The following CLTC variants were observed in gnomAD, a reference collection of about 807,000 sequenced individuals.
CLTC encodes clathrin heavy chain.
Under a neutral mutation model 195.8 loss-of-function variants are expected in CLTC, and 16 were observed. The ratio of observed to expected loss-of-function variants is 0.08; its 90% CI spans 0.06 to 0.12. The LOEUF is 0.12. CLTC is among the 10% of genes least tolerant of loss of function. The pLI is 1.00. For synonymous variants in CLTC, 667 were observed against 689.4 expected (o/e 0.97, Z 0.51); for missense variants, 796 against 2,027.0 (o/e 0.39, Z 11.66).
intron 1 of CLTC, among the ~76,000 whole-genome samples, chr17:59,627,954 G>A (rs761799290): frequency 2.6e-4 from 40 of 152,184 alleles, no homozygotes; most frequent in Non-Finnish European, 4.9e-4. Flanking sequence ...AGGCAGTTGT[G>A]CATGAAAGGG....
rs1335832345 is a variant in CLTC at position 59,673,685 on chromosome 17, G to A, written c.2331G>A (p.Val777=). The change falls in exon 15 of 32, where the codon GTG becomes GTA. Residue 777 remains valine (V), a synonymous_variant. Transcript: ENST00000269122. ...CAGATCAGCTACCACTTATCATTGT[G>A]TGTGATCGATTTGACTTTGTCCATG... ...KLTDQLPLII[V]CDRFDFVHDL... 1.2e-6 allele frequency: 2 copies of A among 1,610,912 alleles called. No homozygotes were observed. Among genetic ancestry groups the A allele is most frequent in the Non-Finnish European group, 1.7e-6 (2 of 1,177,558 alleles).
chr17:59,681,074 A>G lies in CLTC; in HGVS notation c.3065+17A>G. The G allele has an allele frequency of 6.2e-7, 1 of 1,611,110 alleles. No individual in the cohort carries two copies. The highest frequency in any genetic ancestry group is 8.5e-7 in the Non-Finnish European group (1 of 1,178,694). ...TGAACACAGGTATGCTTTCAGAGGG[A>G]TCCATTGGCTATTTATAGTCAGTCT... On this transcript the variant is annotated intron_variant, in intron 19 of 31. Transcript: ENST00000269122. The surrounding 1 kb of genome is among the most constrained non-coding windows in gnomAD (Gnocchi z 5.0).
At chr17:59,654,482 A>G (rs1006250947) in intron 5 of CLTC, among the ~76,000 whole-genome samples, 5 of 149,614 alleles carry the variant, frequency 3.3e-5, no homozygotes, top group African/African-American at 9.9e-5. Context: ...CCAGCTGTGT[A>G]TAACATTTTT....
At chr17:59,655,272 G>GA (rs1272750771) in intron 5 of CLTC, among the ~76,000 whole-genome samples, 5 of 152,198 alleles carry the variant, frequency 3.3e-5, no homozygotes, top group Non-Finnish European at 7.4e-5. Flanking sequence ...GAAAGGGAAA[G>GA]AAACGGGAGA....
intron 1 of CLTC, among the ~76,000 whole-genome samples, chr17:59,629,361 G>A (rs1036509327): frequency 6.6e-6 from 1 of 152,110 alleles, no homozygotes; most frequent in Non-Finnish European, 1.5e-5. Context: ...AAAGGCTGCT[G>A]TAGGCTTGAA....
At chr17:59,636,586 T>C (rs2031867024) in intron 1 of CLTC, among the ~76,000 whole-genome samples, 2 of 151,886 alleles carry the variant, frequency 1.3e-5, no homozygotes, top group African/African-American at 4.8e-5. Context: ...ACTCCTGGCC[T>C]CAAGCTATCC....
intron 31 of CLTC, 30 bp downstream of exon 31, chr17:59,690,741 C>A (rs775241248): frequency 6.6e-7 from 1 of 1,505,794 alleles, no homozygotes; most frequent in East Asian, 2.3e-5. Context: ...TCAAAAAATT[C>A]ATTAGACAAA....
intron 1 of CLTC, among the ~76,000 whole-genome samples, chr17:59,625,585 A>G (rs1003714854): frequency 4.6e-5 from 7 of 152,260 alleles, no homozygotes; most frequent in Admixed American, 1.3e-4. Context: ...GAGCCAAGGT[A>G]GGAGCATTGT....
rs1461715151 is a variant in CLTC, at chr17:59,682,584, T to G, written c.3601-45T>G. The stretch of plus-strand genomic sequence containing the variant: ...TATCAATTTGAAAAGAGGATTAAGC[T>G]CACACTAATATCTTGCTGAATGTGG... On this transcript the variant is annotated intron_variant, in intron 22 of 31. Transcript: ENST00000269122. This position sits in a 1 kb window ranked among gnomAD's most constrained non-coding sequence, Gnocchi z 6.8. 6.2e-7 allele frequency: 1 copy of G among 1,603,360 alleles called. No individual in the cohort carries two copies. The highest frequency in any genetic ancestry group is 2.2e-5 in the East Asian group (1 of 44,696).
At position 59,681,550 on chromosome 17, in the gene CLTC, G is replaced by A. The variant is rs2033081623; in HGVS notation, c.3249+72G>A. On this transcript the variant is annotated intron_variant, in intron 20 of 31. Transcript: ENST00000269122. The surrounding 1 kb of genome is among the most constrained non-coding windows in gnomAD (Gnocchi z 5.0). ...GAGGGTGGGCCTAATTGGTTGCTAC[G>A]GCAATAGAGCAGCAATAAAATACTA... is the stretch of plus-strand genomic sequence containing the variant. 9.5e-6 allele frequency: 15 copies of A among 1,572,342 alleles called. No individual in the cohort carries two copies. The highest frequency in any genetic ancestry group is 3.4e-5 in the South Asian group (3 of 87,832).
Position 59,647,392 on chromosome 17 carries a change from T to C in CLTC, c.251-6T>C, listed in dbSNP as rs1567943018. 1 of 1,606,260 alleles carries C rather than the reference T, an allele frequency of 6.2e-7. No homozygotes were observed. The highest frequency in any genetic ancestry group is 1.7e-5 in the Admixed American group (1 of 59,474). On this transcript the variant is annotated splice_polypyrimidine_tract_variant and splice_region_variant and intron_variant, in intron 2 of 31. Transcript: ENST00000269122. The stretch of plus-strand genomic sequence containing the variant: ...AATGATTTATAATTCTTGATTTTGT[T>C]TTTAGCTGGGAAAACTCTTCAGATT...
Position 59,647,487 on chromosome 17 carries a change from A to G in CLTC, c.340A>G (p.Ile114Val), listed in dbSNP as rs1454388320. 7.4e-6 allele frequency: 12 copies of G among 1,614,086 alleles called. No homozygotes were observed. The highest frequency in any genetic ancestry group is 1.0e-5 in the Non-Finnish European group (12 of 1,179,948). The change falls in exon 3 of 32, where the codon ATC becomes GTC. Residue 114 changes from isoleucine to valine, a missense_variant. By Grantham distance (29) the Ile-to-Val change is conservative. Coordinates refer to ENST00000269122, the MANE Select transcript of CLTC (RefSeq NM_004859.4). ...TGATGATGTCACCTTTTGGAAATGG[A>G]TCTCTTTGAATACGGTTGCTCTTGT... ...MTDDVTFWKW[I>V]SLNTVALVTD...
chr17:59,662,145 A>G (rs553205661), intron 8 of CLTC, among the ~76,000 whole-genome samples: 2 of 152,204 alleles, frequency 1.3e-5, no homozygotes, highest in African/African-American at 2.4e-5. Flanking sequence ...CAGGATGGCT[A>G]TCTAATTAGC....
chr17:59,635,737 T>C (rs1455862978), intron 1 of CLTC, among the ~76,000 whole-genome samples: 1 of 152,244 alleles, frequency 6.6e-6, no homozygotes, highest in African/African-American at 2.4e-5. Flanking sequence ...AATATTTTCA[T>C]AGTTTGATCA....
chr17:59,644,520 T>G (rs748213566), intron 2 of CLTC, 37 bp downstream of exon 2: 3 of 1,509,292 alleles, frequency 2.0e-6, no homozygotes, highest in African/African-American at 1.4e-5. Flanking sequence ...AAACTCTTCC[T>G]ATGTTTTTGT....
chr17:59,647,146 T>G (rs1330658955), intron 2 of CLTC, among the ~76,000 whole-genome samples: 2 of 152,220 alleles, frequency 1.3e-5, no homozygotes, highest in Non-Finnish European at 2.9e-5. Flanking sequence ...CAGTTGGGAT[T>G]TAGAATTCCA....
Position 59,692,935 on chromosome 17 carries a change from G to T in CLTC, c.4904-793G>T, listed in dbSNP as rs575815291. ...TTACAGGCGTGAGCCACCGCGCCCG[G>T]CCCAAATGTGTCTTATTTTTAATTT... On this transcript the variant is annotated intron_variant, in intron 31 of 31. Coordinates refer to ENST00000269122, the MANE Select transcript of CLTC (RefSeq NM_004859.4). Among the ~76,000 whole-genome samples, 3 of 152,244 alleles carry T rather than the reference G, an allele frequency of 2.0e-5. No individual in the cohort carries two copies. The East Asian group carries it at 5.8e-4, about 29-fold the overall frequency.
intron 14 of CLTC, among the ~76,000 whole-genome samples, chr17:59,670,382 C>T (rs1398613070): frequency 2.0e-5 from 3 of 151,484 alleles, no homozygotes; most frequent in East Asian, 1.9e-4. Context: ...CAGATTGTTT[C>T]GTCATCCAGG....
chr17:59,626,611 G>A (rs2031560456), intron 1 of CLTC, among the ~76,000 whole-genome samples: 1 of 152,148 alleles, frequency 6.6e-6, no homozygotes. Flanking sequence ...TGATATTTTA[G>A]TCCTGTATAT....
Sources: gnomAD v4.1 joint callset for allele counts (sites outside exome capture counted in the v4.1 genomes callset) on GRCh38, gnomAD v4.1.1 for gene constraint, Gnocchi (gnomAD v3.1) non-coding constraint, MANE v1.5 for transcripts, NCBI Gene and HGNC (gene_info 2026-07-23, HGNC 2026-07-21) for gene names.